The following KLHL15 variants were observed in gnomAD, a reference collection of about 807,000 sequenced individuals.
KLHL15 encodes kelch-like protein 15.
KLHL15 carries 1 observed loss-of-function variant against 29.3 expected under a neutral mutation model. The observed-to-expected ratio is 0.03, with a 90% confidence interval of 0.01 to 0.16. KLHL15 has a LOEUF of 0.16. Among genes scored for constraint, KLHL15 ranks in the 10% least tolerant of loss-of-function variants. KLHL15 has a pLI of 1.00. For missense variants in KLHL15, 215 were observed against 478.5 expected, an observed-to-expected ratio of 0.45 and a Z score of 5.14; for synonymous variants, 212 against 184.5, an observed-to-expected ratio of 1.15 and a Z score of -1.21.
rs894916525 is a variant in KLHL15 at position 23,986,882 on chromosome X, G to T, written c.*1039C>A. ...TAAGGGGCCTTGATTTAGGAGTCTG[G>T]TATTACCTAAATGCTCTTTAAAAGT... On this transcript the variant is annotated 3_prime_UTR_variant, in exon 4 of 4. Transcript: ENST00000328046. 8.1e-5 allele frequency: 9 copies of T among 111,801 alleles called. No homozygotes were observed. The highest frequency in any genetic ancestry group is 2.9e-4 in the African/African-American group (9 of 30,819). 9.2% of individuals were successfully genotyped at this position (111,801 alleles called of 1,213,427 possible).
At chrX:24,010,814 C>A (rs571500233) in intron 2 of KLHL15, among the ~76,000 whole-genome samples, 71 of 111,348 alleles carry the variant, frequency 6.4e-4, no homozygotes, top group African/African-American at 2.2e-3. Flanking sequence ...TTGCTCTACA[C>A]CTCCTTCTTT....
At chrX:24,009,096 C>T (rs1876694870) in intron 2 of KLHL15, among the ~76,000 whole-genome samples, 1 of 111,785 alleles carries the variant, frequency 8.9e-6, no homozygotes, top group Non-Finnish European at 1.9e-5. Context: ...TGGTGGCTCA[C>T]ACCTGTAATC....
chrX:24,026,660 C>T (rs968496498), intron 1 of KLHL15, among the ~76,000 whole-genome samples: 9 of 101,274 alleles, frequency 8.9e-5, no homozygotes, highest in Non-Finnish European at 1.4e-4. Context: ...TTATCTCTTT[C>T]TAGCAAACTT....
intron 1 of KLHL15, among the ~76,000 whole-genome samples, chrX:24,025,838 C>G (rs1476408837): frequency 9.1e-6 from 1 of 110,083 alleles, no homozygotes; most frequent in Non-Finnish European, 1.9e-5. Flanking sequence ...CGTCGCGGCC[C>G]TGGACTGGGC....
chrX:23,995,432 G>A (rs1929168799), intron 3 of KLHL15, among the ~76,000 whole-genome samples: 1 of 103,814 alleles, frequency 9.6e-6, no homozygotes, highest in Non-Finnish European at 1.9e-5. Flanking sequence ...AAAAAGGCTG[G>A]CTAAAAGCCT....
rs747030107 is a variant in KLHL15, at chrX:24,017,517, A to C, written c.-8+7340T>G. ...AGATCAGAGTCAGGCGCAGTGGCTC[A>C]CGTCTATAATCCCACCACTTTGGGA... On this transcript the variant is annotated intron_variant, in intron 2 of 3. Transcript: ENST00000328046. 9.0e-5 allele frequency among the ~76,000 whole-genome samples: 10 copies of C among 110,622 alleles called. No individual in the cohort carries two copies. In the East Asian group the frequency reaches 2.8e-3, roughly 31 times the overall value.
intron 2 of KLHL15, among the ~76,000 whole-genome samples, chrX:24,008,263 C>T (rs1487267803): frequency 9.0e-6 from 1 of 111,537 alleles, no homozygotes; most frequent in Non-Finnish European, 1.9e-5. Flanking sequence ...TTTTTGTTTT[C>T]GGAGTCTTGC....
Position 24,024,852 on chromosome X carries a change from C to T in KLHL15, c.-8+5G>A. ...GCAGGCCGGCGGCCAGGGGCGGCTACGTACCTCGGGGGGTCCTGTCCAGCC... is the reference window on the plus strand; with the variant it reads ...GCAGGCCGGCGGCCAGGGGCGGCTATGTACCTCGGGGGGTCCTGTCCAGCC... On this transcript the variant is annotated splice_donor_5th_base_variant and intron_variant, in intron 2 of 3. Coordinates refer to ENST00000328046, the MANE Select transcript of KLHL15 (RefSeq NM_030624.3). 3.4e-6 allele frequency: 1 copy of T among 295,853 alleles called. No individual in the cohort carries two copies. The highest frequency in any genetic ancestry group is 5.9e-6 in the Non-Finnish European group (1 of 169,303). 24.4% of individuals were successfully genotyped at this position (295,853 alleles called of 1,213,427 possible). A position where few individuals can be genotyped will look rare whatever the true frequency, so the allele number is the denominator to read the frequency against.
At chrX:24,009,653 T>A (rs1183089735) in intron 2 of KLHL15, among the ~76,000 whole-genome samples, 20 of 86,116 alleles carry the variant, frequency 2.3e-4, no homozygotes, top group African/African-American at 8.5e-4. Context: ...ACCACTGCAC[T>A]CCAGCCTGGG....
chrX:24,020,427 TTTC>T (rs1472332768), intron 2 of KLHL15, among the ~76,000 whole-genome samples: 1 of 112,016 alleles, frequency 8.9e-6, no homozygotes, highest in Non-Finnish European at 1.9e-5. Context: ...CTGGAAATTC[TTTC>T]TTGTCATCAA....
chrX:24,006,931 C>G (rs768918687), intron 2 of KLHL15, among the ~76,000 whole-genome samples: 5 of 111,505 alleles, frequency 4.5e-5, no homozygotes, highest in Non-Finnish European at 9.4e-5. Flanking sequence ...GCCTATAACC[C>G]CAGCACTTTG....
intron 3 of KLHL15, among the ~76,000 whole-genome samples, chrX:23,996,307 C>T (rs952889796): frequency 8.9e-6 from 1 of 111,756 alleles, no homozygotes; most frequent in Non-Finnish European, 1.9e-5. Context: ...TCAGTTTTAT[C>T]ATCTCTTCTC....
chrX:24,024,508 A>G (rs962633012), intron 2 of KLHL15, among the ~76,000 whole-genome samples: 1 of 111,608 alleles, frequency 9.0e-6, no homozygotes, highest in African/African-American at 3.3e-5. Context: ...TCGAACCCAG[A>G]CCTTCCGATT....
At chrX:24,010,165 T>G (rs1045421213) in intron 2 of KLHL15, among the ~76,000 whole-genome samples, 1 of 111,074 alleles carries the variant, frequency 9.0e-6, no homozygotes, top group African/African-American at 3.3e-5. Flanking sequence ...CACTTGGACC[T>G]GTTCCTGATC....
rs1039138764 is a variant in KLHL15 at position 23,985,215 on chromosome X, A to G, written c.*2706T>C. 1.8e-5 allele frequency: 2 copies of G among 112,030 alleles called. No individual in the cohort carries two copies. Among genetic ancestry groups the G allele is most frequent in the Non-Finnish European group, 3.8e-5 (2 of 53,212 alleles). 9.2% of individuals were successfully genotyped at this position (112,030 alleles called of 1,213,427 possible). ...AGTGAAAACAACACGCATAAAGGTC[A>G]TAACAGTTAAACTGTATAGATTCAA... On this transcript the variant is annotated 3_prime_UTR_variant, in exon 4 of 4. Transcript: ENST00000328046.
At chrX:24,001,929 C>G (rs978751080) in intron 3 of KLHL15, among the ~76,000 whole-genome samples, 8 of 107,011 alleles carry the variant, frequency 7.5e-5, no homozygotes, top group South Asian at 8.3e-4. Context: ...GTCAGGAGAT[C>G]GAGACCATCC....
intron 2 of KLHL15, among the ~76,000 whole-genome samples, chrX:24,015,078 C>T (rs1204292093): frequency 8.9e-6 from 1 of 111,979 alleles, no homozygotes; most frequent in Non-Finnish European, 1.9e-5. Context: ...TCTGAGAGAA[C>T]CTTACATTCT....
chrX:24,002,783 C>A (rs1441081996), intron 3 of KLHL15, among the ~76,000 whole-genome samples: 1 of 111,187 alleles, frequency 9.0e-6, no homozygotes, highest in Non-Finnish European at 1.9e-5. Context: ...CATGTGCCCC[C>A]ACACCCAAAT....
At chrX:24,026,857 T>A (rs1326769502) in intron 1 of KLHL15, among the ~76,000 whole-genome samples, 2 of 112,257 alleles carry the variant, frequency 1.8e-5, no homozygotes, top group East Asian at 5.5e-4. Context: ...TTGTTCACAC[T>A]TTCTTTCCAT....
Sources: allele counts gnomAD v4.1 joint callset (sites outside exome capture counted in the v4.1 genomes callset), GRCh38; gene constraint gnomAD v4.1.1; transcripts MANE v1.5; gene names NCBI Gene and HGNC (gene_info 2026-07-23, HGNC 2026-07-21).